Variants in CYRIB observed in about 807,000 individuals in gnomAD.
The protein encoded by CYRIB is CYFIP-related Rac1 interactor B.
A neutral mutation model predicts 44.2 loss-of-function variants in CYRIB; 8 were observed. The ratio of observed to expected loss-of-function variants is 0.18; its 90% confidence interval spans 0.11 to 0.33. The LOEUF is 0.33. CYRIB is among the 10% of genes least tolerant of loss of function. The pLI, the probability that CYRIB is intolerant of heterozygous loss-of-function variation, is 1.00. For missense variants in CYRIB, 185 were observed against 382.8 expected, an observed-to-expected ratio of 0.48 and a Z score of 4.31; for synonymous variants, 131 against 127.2, an observed-to-expected ratio of 1.03 and a Z score of -0.20.
At chr8:129,905,560 C>A (rs1018427208) in intron 1 of CYRIB, among the ~76,000 whole-genome samples, 1 of 152,122 alleles carries the variant, frequency 6.6e-6, no homozygotes, top group South Asian at 2.1e-4. Flanking sequence ...ACTGTTCTAG[C>A]TTTTCTCAAA....
intron 1 of CYRIB, among the ~76,000 whole-genome samples, chr8:129,929,764 G>T (rs2090135533): frequency 6.6e-6 from 1 of 152,118 alleles, no homozygotes; most frequent in South Asian, 2.1e-4. Context: ...TCATGATTAG[G>T]TACAGGAATT....
chr8:129,937,336 TAGAA>T lies in CYRIB; in HGVS notation c.-50+2268_-50+2271del, dbSNP rs563706468. 4.7e-4 allele frequency among the ~76,000 whole-genome samples: 71 copies of T among 152,308 alleles called. No individual in the cohort carries two copies. The South Asian group carries it at 0.01, about 22-fold the overall frequency. ...TCTCACAGTTGAATGCATTAATACT[TAGAA>T]AGAGTCAAGTAACCTCAAATAAGTG... On this transcript the variant is annotated intron_variant, in intron 1 of 11. Coordinates refer to ENST00000519824, the Ensembl canonical transcript of CYRIB.
At chr8:129,964,385 A>G (rs1268814653) in intron 2 of CYRIB, among the ~76,000 whole-genome samples, 1 of 152,242 alleles carries the variant, frequency 6.6e-6, no homozygotes, top group Non-Finnish European at 1.5e-5. Flanking sequence ...TACTGACTGA[A>G]TACTTCCATG....
chr8:129,886,588 G>C (rs762633471), intron 2 of CYRIB, among the ~76,000 whole-genome samples: 1 of 151,716 alleles, frequency 6.6e-6, no homozygotes, highest in Non-Finnish European at 1.5e-5. Flanking sequence ...CTCTCCTTTC[G>C]TTCTCTATTA....
intron 3 of CYRIB, among the ~76,000 whole-genome samples, chr8:129,875,299 C>T (rs1287384498): frequency 6.6e-5 from 10 of 151,416 alleles, no homozygotes; most frequent in African/African-American, 2.2e-4. Flanking sequence ...CAGTTTCACT[C>T]TGCTACTCAA....
chr8:129,900,966 G>A (rs949978567), intron 2 of CYRIB, among the ~76,000 whole-genome samples: 2 of 152,190 alleles, frequency 1.3e-5, no homozygotes, highest in East Asian at 1.9e-4. Flanking sequence ...GTGCCACCAC[G>A]CGCCCAGCCC....
At chr8:129,970,910 T>A (rs931810660) in intron 2 of CYRIB, 33 bp downstream of exon 2, 1 of 152,222 alleles carries the variant, frequency 6.6e-6, no homozygotes, top group Non-Finnish European at 1.5e-5. Flanking sequence ...TGGAGCCAGA[T>A]GACCATGGTC....
intron 1 of CYRIB, among the ~76,000 whole-genome samples, chr8:130,009,702 G>A (rs1459599538): frequency 6.6e-6 from 1 of 152,224 alleles, no homozygotes; most frequent in South Asian, 2.1e-4. Context: ...TGTATATGGA[G>A]GCTTTCTGCT....
intron 11 of CYRIB, chr8:129,844,312 G>A (rs933046101): frequency 2.0e-5 from 3 of 152,088 alleles, no homozygotes; most frequent in Non-Finnish European, 4.4e-5. Context: ...TCCTTCTTTG[G>A]ACAAAGCCAA....
intron 1 of CYRIB, among the ~76,000 whole-genome samples, chr8:129,928,503 A>T (rs918808200): frequency 1.3e-5 from 2 of 152,000 alleles, no homozygotes; most frequent in African/African-American, 4.8e-5. Flanking sequence ...TTTCACCGAA[A>T]CAGATGGAAA....
intron 2 of CYRIB, among the ~76,000 whole-genome samples, chr8:129,957,743 A>G (rs1002757965): frequency 6.6e-6 from 1 of 152,080 alleles, no homozygotes; most frequent in East Asian, 1.9e-4. Context: ...AAGCAGGTGG[A>G]TCATGAGGTC....
intron 10 of CYRIB, among the ~76,000 whole-genome samples, chr8:129,848,068 A>G (rs2131307205): frequency 6.6e-6 from 1 of 152,244 alleles, no homozygotes; most frequent in Admixed American, 6.5e-5. Context: ...GGCCTGCCAA[A>G]GTGCTGGGAT....
intron 1 of CYRIB, among the ~76,000 whole-genome samples, chr8:129,906,431 C>T (rs1031146877): frequency 2.6e-4 from 40 of 152,338 alleles, no homozygotes; most frequent in African/African-American, 8.9e-4. Context: ...CCCTTCCTTA[C>T]ACCTTATACA....
Position 129,842,230 on chromosome 8 carries a change from C to A in CYRIB, c.912-25G>T, listed in dbSNP as rs569616916. 21 of 1,531,176 alleles carry A rather than the reference C, an allele frequency of 1.4e-5. 1 individual carries two copies. In the South Asian group the frequency reaches 2.4e-4, roughly 17 times the overall value. The allele number at this position is 1,531,176 out of a possible 1,614,324, so 94.8% of individuals were successfully genotyped here. ...CCTAAAAAAAGAAAAGAAAAAAGATCAATTTTAGGAACTTAAAAAATAATC... is the reference window on the plus strand; with the variant it reads ...CCTAAAAAAAGAAAAGAAAAAAGATAAATTTTAGGAACTTAAAAAATAATC... On this transcript the variant is annotated intron_variant, in intron 11 of 11. Transcript: ENST00000519824.
At chr8:129,965,216 T>G (rs2095424328) in intron 2 of CYRIB, among the ~76,000 whole-genome samples, 1 of 151,074 alleles carries the variant, frequency 6.6e-6, no homozygotes, top group African/African-American at 2.4e-5. Flanking sequence ...CCCCTAAGCT[T>G]TTCCAAGAGA....
intron 5 of CYRIB, among the ~76,000 whole-genome samples, chr8:129,856,464 A>G (rs554375904): frequency 6.6e-6 from 1 of 152,300 alleles, no homozygotes; most frequent in Non-Finnish European, 1.5e-5. Flanking sequence ...TCATTTCAAT[A>G]TTTCAAAAAG....
chr8:130,000,258 A>C (rs1041435643), intron 1 of CYRIB, among the ~76,000 whole-genome samples: 1 of 152,216 alleles, frequency 6.6e-6, no homozygotes, highest in African/African-American at 2.4e-5. Context: ...GACAATGAGC[A>C]AACCTAGGGT....
chr8:129,859,190 C>T (rs2132072204), intron 5 of CYRIB, among the ~76,000 whole-genome samples: 1 of 152,302 alleles, frequency 6.6e-6, no homozygotes, highest in East Asian at 1.9e-4. Context: ...CCCTTCCCTG[C>T]CTGGCAGCCA....
intron 1 of CYRIB, among the ~76,000 whole-genome samples, chr8:129,977,676 C>T (rs965974178): frequency 8.1e-4 from 124 of 152,154 alleles, no homozygotes; most frequent in African/African-American, 2.5e-3. Context: ...GGACTACAGG[C>T]GCCCGCCACC....
Sources: allele counts gnomAD v4.1 joint callset (sites outside exome capture counted in the v4.1 genomes callset), GRCh38; gene constraint gnomAD v4.1.1; transcripts MANE v1.5; gene names NCBI Gene and HGNC (gene_info 2026-07-23, HGNC 2026-07-21).